The following RIF1 variants were observed in gnomAD, a reference collection of about 807,000 sequenced individuals.
The protein encoded by RIF1 is telomere-associated protein RIF1.
A neutral mutation model predicts 247.1 loss-of-function variants in RIF1; 45 were observed. The observed-to-expected ratio is 0.18, with a 90% CI of 0.14 to 0.23. RIF1 has a LOEUF of 0.23. Ranked by LOEUF, RIF1 falls within the 10% of genes least tolerant of loss-of-function variation. The pLI is 1.00. For missense variants in RIF1, 2,967 were observed against 2,862.5 expected (o/e 1.04, Z -0.83); for synonymous variants, 1,087 against 978.8 (o/e 1.11, Z -2.06).
chr2:151,503,413 C>T, intron 12 of RIF1: 1 of 1,612,334 alleles, frequency 6.2e-7, no homozygotes, highest in Non-Finnish European at 8.5e-7. Flanking sequence ...GGTTGGAATG[C>T]CTGTTCCCAA....
In RIF1 at chr2:151,464,063, G is replaced by T; in HGVS notation, c.4543G>T (p.Gly1515Trp). ...AGACCCTGAGAACATTAAGTCTGAG[G>T]GGGATGGTACCCAGGACATTGTAGA... is the stretch of plus-strand genomic sequence containing the variant. ...KADPENIKSE[G>W]DGTQDIVDKS... The change falls in exon 30 of 36, where the codon GGG (glycine) becomes TGG (tryptophan). Residue 1515 changes from glycine (G) to tryptophan (W), a missense_variant. By Grantham distance (184) the Gly-to-Trp change is radical. Coordinates refer to ENST00000444746, the MANE Select transcript of RIF1 (RefSeq NM_018151.5). 6.2e-7 allele frequency: 1 copy of T among 1,612,996 alleles called. No homozygotes were observed. The highest frequency in any genetic ancestry group is 1.1e-5 in the South Asian group (1 of 90,832).
At chr2:151,514,226 C>T in the RIF1 span, 3 of 830,864 alleles carry the variant, frequency 3.6e-6, no homozygotes, top group African/African-American at 5.1e-5. Context: ...TTTCTCTGTT[C>T]TCTGTTTTTG....
rs1464117547 is a variant in RIF1, at chr2:151,422,807, G to A, written c.694-143G>A. On this transcript the variant is annotated intron_variant, in intron 7 of 35. Transcript: ENST00000444746. ...GCTGGGATTACAGGCTTGACCCACC[G>A]CACCTGGCCTTGGGTGGGGTAATAT... 6.6e-5 allele frequency: 32 copies of A among 481,946 alleles called. 1 individual carries two copies. Among genetic ancestry groups the A allele is most frequent in the Admixed American group, 5.2e-4 (14 of 27,098 alleles). 29.9% of individuals were successfully genotyped at this position (481,946 alleles called of 1,614,324 possible).
chr2:151,442,632 C>T (rs1692534344), intron 16 of RIF1, among the ~76,000 whole-genome samples: 1 of 151,968 alleles, frequency 6.6e-6, no homozygotes, highest in South Asian at 2.1e-4. Context: ...ATGTAAAATG[C>T]ACTTAGTATC....
intron 34 of RIF1, among the ~76,000 whole-genome samples, chr2:151,472,256 C>T (rs1322492732): frequency 6.6e-6 from 1 of 152,156 alleles, no homozygotes; most frequent in South Asian, 2.1e-4. Context: ...CTTATTGGCC[C>T]AAGGAGATTT....
At chr2:151,427,231 A>G (rs760552212) in intron 8 of RIF1, among the ~76,000 whole-genome samples, 1 of 148,200 alleles carries the variant, frequency 6.7e-6, no homozygotes, top group East Asian at 2.0e-4. Context: ...TTTTTTTTTG[A>G]GACAGAGTTT....
intron 11 of RIF1, among the ~76,000 whole-genome samples, chr2:151,499,721 G>A (rs963633493): frequency 2.4e-4 from 36 of 152,144 alleles, no homozygotes; most frequent in Admixed American, 2.0e-4. Flanking sequence ...AGTTAGATTA[G>A]CAAGTATTTA....
At chr2:151,520,598 C>T in the RIF1 span, among the ~76,000 whole-genome samples, 1 of 152,084 alleles carries the variant, frequency 6.6e-6, no homozygotes, top group African/African-American at 2.4e-5. Context: ...GGTGTGGTGG[C>T]TCATGCCTGT....
intron 12 of RIF1, chr2:151,503,522 G>A: frequency 2.3e-6 from 2 of 883,618 alleles, no homozygotes; most frequent in South Asian, 3.0e-5. Flanking sequence ...GGCTATTTGG[G>A]GGAAACTCAT....
chr2:151,521,130 T>TC, the RIF1 span, among the ~76,000 whole-genome samples: 1 of 152,154 alleles, frequency 6.6e-6, no homozygotes, highest in Non-Finnish European at 1.5e-5. Flanking sequence ...CTAACACCAG[T>TC]ACCCCTCATG....
chr2:151,509,872 T>TC (rs1216610492), downstream of RIF1, among the ~76,000 whole-genome samples: 1 of 152,176 alleles, frequency 6.6e-6, no homozygotes, highest in Admixed American at 6.5e-5. Context: ...TCTCCCAAAG[T>TC]CCTGGGATTA....
chr2:151,427,336 G>A (rs1229988782), intron 8 of RIF1, among the ~76,000 whole-genome samples: 3 of 151,224 alleles, frequency 2.0e-5, no homozygotes, highest in African/African-American at 4.9e-5. Context: ...TCAGCCTCCC[G>A]AGTAGCTGGG....
chr2:151,467,867 TGC>T, intron 30 of RIF1, 131 bp from the exon 31 acceptor site: 1 of 723,098 alleles, frequency 1.4e-6, no homozygotes, highest in Admixed American at 2.8e-5. Context: ...CTAGGAACTG[TGC>T]AGCTGACTTC....
At position 151,476,096 on chromosome 2, in the gene RIF1, C is replaced by T. The variant is rs543781731; in HGVS notation, c.*1025C>T. ...ATGTTACACAACTTTGCTGTTCATA[C>T]CCTTACCTTCTTACTACTTTTGGTT... On this transcript the variant is annotated 3_prime_UTR_variant, in exon 36 of 36. Coordinates refer to ENST00000444746, the MANE Select transcript of RIF1 (RefSeq NM_018151.5). 2.6e-5 allele frequency: 4 copies of T among 152,236 alleles called. No homozygotes were observed. The highest frequency in any genetic ancestry group is 6.5e-5 in the Admixed American group (1 of 15,298). The allele number at this position is 152,236 out of a possible 1,614,324, so 9.4% of individuals were successfully genotyped here. A position where few individuals can be genotyped will look rare whatever the true frequency, so the allele number is the denominator to read the frequency against.
rs763385976 is a variant in RIF1 at position 151,445,362 on chromosome 2, G to A, written c.2011G>A (p.Ala671Thr). 1 of 1,602,614 alleles carries A rather than the reference G, an allele frequency of 6.2e-7. No individual in the cohort carries two copies. The highest frequency in any genetic ancestry group is 8.5e-7 in the Non-Finnish European group (1 of 1,169,648). ...GACCAATGAAGTAAATCAAGGTGAT[G>A]CCTTAGAACATAATTTTAGTGCCAT... Reference protein sequence around the residue: ...NQTNEVNQGDALEHNFSAIYG... With the variant: ...NQTNEVNQGDTLEHNFSAIYG... The change falls in exon 19 of 36, where the codon GCC (alanine) becomes ACC (threonine). Residue 671 changes from alanine to threonine, a missense_variant. Transcript: ENST00000444746.
At chr2:151,461,028 T>G in intron 26 of RIF1, 110 bp from the exon 27 acceptor site, 1 of 1,008,038 alleles carries the variant, frequency 9.9e-7, no homozygotes, top group Non-Finnish European at 1.5e-6. Flanking sequence ...ATCATCAACT[T>G]TCATAATCAC....
chr2:151,522,014 T>C, the RIF1 span, among the ~76,000 whole-genome samples: 1 of 152,194 alleles, frequency 6.6e-6, no homozygotes, highest in Non-Finnish European at 1.5e-5. Flanking sequence ...GGTGAAGCTT[T>C]TTCCCATTAA....
intron 9 of RIF1, among the ~76,000 whole-genome samples, chr2:151,494,642 T>G (rs1462964020): frequency 6.6e-6 from 1 of 151,988 alleles, no homozygotes; most frequent in Non-Finnish European, 1.5e-5. Flanking sequence ...TGTTTTTTTT[T>G]GTTTTGTTTT....
At position 151,437,286 on chromosome 2, in the gene RIF1, A is replaced by G; in HGVS notation, c.1418A>G (p.Lys473Arg). Residue 473 changes from lysine to arginine, a missense_variant, in exon 13 of 36, where the codon AAA becomes AGA. Lys to Arg is a conservative substitution (Grantham distance 26). Around this residue, in one of 7 missense-constraint regions of RIF1, gnomAD observed 369 missense variants for 322.0 expected, o/e 1.15. Coordinates refer to ENST00000444746, the MANE Select transcript of RIF1 (RefSeq NM_018151.5). The part of the protein sequence containing the change: ...PLISSPSFFS[K>R]HANTLITAVH... ...ATCAGCAGCCCTTCCTTTTTTTCCA[A>G]ACATGCAAATACACTTATCACTGCT... 3 of 1,613,884 alleles carry G rather than the reference A, an allele frequency of 1.9e-6. No individual in the cohort carries two copies. The highest frequency in any genetic ancestry group is 1.1e-5 in the South Asian group (1 of 91,034).
Sources: allele counts gnomAD v4.1 joint callset (sites outside exome capture counted in the v4.1 genomes callset), GRCh38; gene constraint gnomAD v4.1.1; regional missense constraint gnomAD v4.1.1; transcripts MANE v1.5; gene names NCBI Gene and HGNC (gene_info 2026-07-23, HGNC 2026-07-21).